Variants in PID1 observed in about 807,000 individuals in gnomAD.
PID1 encodes phosphotyrosine interaction domain containing 1, also known as PTB-containing, cubilin and LRP1-interacting protein.
A neutral mutation model predicts 19.1 loss-of-function variants in PID1; 10 were observed. That is an observed-to-expected ratio of 0.52 (90% CI 0.32 to 0.89). The LOEUF is 0.89. PID1 is among the 40% of genes least tolerant of loss of function. The pLI is 0.03. For missense variants in PID1, 248 were observed against 285.3 expected, an observed-to-expected ratio of 0.87 and a Z score of 0.94; for synonymous variants, 130 against 116.0, an observed-to-expected ratio of 1.12 and a Z score of -0.78.
intron 1 of PID1, among the ~76,000 whole-genome samples, chr2:229,166,816 G>A (rs2106205996): frequency 2.6e-5 from 4 of 152,216 alleles, no homozygotes; most frequent in Admixed American, 2.6e-4. Context: ...AAATGATGAG[G>A]ACTTGTCGGA....
chr2:229,155,838 T>C lies in PID1; in HGVS notation c.157A>G (p.Arg53Gly), dbSNP rs771619447. The change falls in exon 2 of 3, where the codon AGG becomes GGG. Residue 53 changes from arginine to glycine, a missense_variant. Coordinates refer to ENST00000392055, the MANE Select transcript of PID1 (RefSeq NM_001100818.2). ...LCTTTPLMKT[R>G]THSGCKVTYL... The stretch of plus-strand genomic sequence containing the variant: ...CATACCTTGCAGCCACTGTGAGTCC[T>C]TGTCTTCATCAGCGGTGTGGTCGTG... 1 of 1,613,110 alleles carries C rather than the reference T, an allele frequency of 6.2e-7. No homozygotes were observed. Among genetic ancestry groups the C allele is most frequent in the South Asian group, 1.1e-5 (1 of 90,970 alleles).
At chr2:229,083,869 T>C (rs1214461491) in intron 2 of PID1, among the ~76,000 whole-genome samples, 2 of 152,184 alleles carry the variant, frequency 1.3e-5, no homozygotes, top group Non-Finnish European at 2.9e-5. Flanking sequence ...AGGGGCAACC[T>C]CATGACAGAA....
intron 2 of PID1, among the ~76,000 whole-genome samples, chr2:229,028,822 T>G (rs1693481896): frequency 6.6e-6 from 1 of 152,202 alleles, no homozygotes; most frequent in South Asian, 2.1e-4. Context: ...ATGAGCGTAT[T>G]ATGAGCTGTT....
At chr2:229,052,728 C>A (rs1694021347) in intron 2 of PID1, among the ~76,000 whole-genome samples, 1 of 151,858 alleles carries the variant, frequency 6.6e-6, no homozygotes, top group African/African-American at 2.4e-5. Context: ...AAAAAAATGG[C>A]CTGAAAACTA....
intron 1 of PID1, among the ~76,000 whole-genome samples, chr2:229,242,522 T>A (rs979804057): frequency 2.4e-4 from 36 of 152,092 alleles, no homozygotes; most frequent in African/African-American, 8.7e-4. Context: ...AGGACTCTCC[T>A]CTACATTTCC....
At chr2:229,051,838 C>T (rs1694002902) in intron 2 of PID1, among the ~76,000 whole-genome samples, 1 of 152,200 alleles carries the variant, frequency 6.6e-6, no homozygotes, top group Admixed American at 6.5e-5. Context: ...AATTCTCTTT[C>T]TCCCTGCCTT....
At chr2:229,214,060 T>C (rs768811569) in intron 1 of PID1, among the ~76,000 whole-genome samples, 1 of 152,144 alleles carries the variant, frequency 6.6e-6, no homozygotes, top group South Asian at 2.1e-4. Flanking sequence ...TAAACAAACA[T>C]AAATGAAAGG....
intron 1 of PID1, among the ~76,000 whole-genome samples, chr2:229,176,273 G>A (rs186220748): frequency 6.6e-6 from 1 of 152,174 alleles, no homozygotes; most frequent in Non-Finnish European, 1.5e-5. Flanking sequence ...CAAACCCTAA[G>A]TCCACATGCA....
chr2:229,165,288 C>T (rs1343528741), intron 1 of PID1, among the ~76,000 whole-genome samples: 1 of 152,174 alleles, frequency 6.6e-6, no homozygotes, highest in African/African-American at 2.4e-5. Flanking sequence ...ATTTAAATGA[C>T]CTAACATCCA....
At chr2:229,224,262 A>G (rs541589858) in intron 1 of PID1, among the ~76,000 whole-genome samples, 4 of 152,320 alleles carry the variant, frequency 2.6e-5, no homozygotes, top group Non-Finnish European at 5.9e-5. Context: ...CCCTGTGGAA[A>G]GCAGTTTGGA....
chr2:229,138,119 A>G (rs955294894), intron 2 of PID1, among the ~76,000 whole-genome samples: 6 of 152,150 alleles, frequency 3.9e-5, no homozygotes, highest in African/African-American at 1.4e-4. Context: ...TAGGCGATAA[A>G]TAACAGCAAA....
chr2:229,216,234 C>A (rs940574424), intron 1 of PID1, among the ~76,000 whole-genome samples: 2 of 152,186 alleles, frequency 1.3e-5, no homozygotes, highest in Non-Finnish European at 2.9e-5. Context: ...TGATGCTTGC[C>A]ACGTGGTCCC....
intron 2 of PID1, among the ~76,000 whole-genome samples, chr2:229,122,909 A>G (rs555796553): frequency 1.3e-5 from 2 of 152,314 alleles, no homozygotes; most frequent in African/African-American, 4.8e-5. Flanking sequence ...GTACAGCATT[A>G]TAAACTACTG....
At chr2:229,214,967 A>G (rs1001384950) in intron 1 of PID1, among the ~76,000 whole-genome samples, 2 of 152,108 alleles carry the variant, frequency 1.3e-5, no homozygotes, top group Non-Finnish European at 2.9e-5. Flanking sequence ...CTAACAGCAT[A>G]TCCCCCCTTT....
chr2:229,219,213 G>C (rs1691912235), intron 1 of PID1, among the ~76,000 whole-genome samples: 1 of 152,088 alleles, frequency 6.6e-6, no homozygotes, highest in Admixed American at 6.5e-5. Flanking sequence ...TGCTAATAAA[G>C]ATACACCCGA....
chr2:229,260,502 ATG>A (rs554634848), intron 1 of PID1, among the ~76,000 whole-genome samples: 11 of 150,424 alleles, frequency 7.3e-5, no homozygotes, highest in South Asian at 2.1e-4. Flanking sequence ...ATATATGTGC[ATG>A]TGTGTGTGTG....
intron 2 of PID1, among the ~76,000 whole-genome samples, chr2:229,151,143 T>A (rs1690242726): frequency 6.6e-6 from 1 of 152,074 alleles, no homozygotes; most frequent in African/African-American, 2.4e-5. Context: ...GTCCATGAGA[T>A]CCTGATACTG....
intron 1 of PID1, among the ~76,000 whole-genome samples, chr2:229,220,573 G>A (rs1411934263): frequency 6.6e-6 from 1 of 152,110 alleles, no homozygotes. Context: ...GATGGCAGCA[G>A]GCAGGGCCCA....
Position 229,149,162 on chromosome 2 carries a change from G to A in PID1, c.177+6656C>T, listed in dbSNP as rs180866827. 7.8e-3 allele frequency among the ~76,000 whole-genome samples: 1,183 copies of A among 152,020 alleles called. 11 individuals carry two copies. Among genetic ancestry groups the A allele is most frequent in the Non-Finnish European group, 0.013 (917 of 67,954 alleles). On this transcript the variant is annotated intron_variant, in intron 2 of 2. Transcript: ENST00000392055. ...TCTGTATAATTGGCATAGGATTCAA[G>A]AAATGCCCCAAATGGCCAACACCAA...
Sources: allele counts gnomAD v4.1 joint callset (sites outside exome capture counted in the v4.1 genomes callset), GRCh38; gene constraint gnomAD v4.1.1; transcripts MANE v1.5; gene names NCBI Gene and HGNC (gene_info 2026-07-23, HGNC 2026-07-21).